Variants in DOCK3 observed in about 807,000 individuals in gnomAD.
DOCK3 encodes dedicator of cytokinesis protein 3.
DOCK3 carries 60 observed loss-of-function variants against 265.6 expected under a neutral mutation model. The ratio of observed to expected loss-of-function variants is 0.23; its 90% CI spans 0.18 to 0.28. The LOEUF is 0.28. DOCK3 is among the 10% of genes least tolerant of loss of function. DOCK3 has a pLI of 1.00. For missense variants in DOCK3, 1,981 were observed against 2,594.3 expected, an observed-to-expected ratio of 0.76 and a Z score of 5.14; for synonymous variants, 881 against 938.0, an observed-to-expected ratio of 0.94 and a Z score of 1.11.
chr3:50,933,735 TA>T (rs1387584761), intron 4 of DOCK3, among the ~76,000 whole-genome samples: 1 of 152,184 alleles, frequency 6.6e-6, no homozygotes, highest in Non-Finnish European at 1.5e-5. Context: ...AAGTGTGTTT[TA>T]AGGATAGCAT....
chr3:51,309,648 C>T (rs1279752639), intron 27 of DOCK3, among the ~76,000 whole-genome samples: 3 of 93,150 alleles, frequency 3.2e-5, no homozygotes, highest in Non-Finnish European at 6.8e-5. Flanking sequence ...AGAGCGAGAG[C>T]GAGAGCTCTT....
At chr3:50,749,564 G>GT in intron 1 of DOCK3, among the ~76,000 whole-genome samples, 1 of 151,978 alleles carries the variant, frequency 6.6e-6, no homozygotes, top group Non-Finnish European at 1.5e-5. Flanking sequence ...ACCCCAACTT[G>GT]TTTTTATACC....
At chr3:51,142,887 A>G (rs1241018982) in intron 9 of DOCK3, among the ~76,000 whole-genome samples, 1 of 151,648 alleles carries the variant, frequency 6.6e-6, no homozygotes, top group African/African-American at 2.4e-5. Flanking sequence ...TGGTATATTC[A>G]TTCTTCTTTT....
At chr3:51,301,943 C>G (rs2082382905) in intron 27 of DOCK3, among the ~76,000 whole-genome samples, 1 of 151,974 alleles carries the variant, frequency 6.6e-6, no homozygotes, top group African/African-American at 2.4e-5. Flanking sequence ...GATACCAGGT[C>G]CATGTGATCC....
chr3:51,092,722 C>T (rs951903620), intron 9 of DOCK3, among the ~76,000 whole-genome samples: 3 of 152,204 alleles, frequency 2.0e-5, no homozygotes, highest in African/African-American at 7.2e-5. Flanking sequence ...GACTGGGAGA[C>T]ACCTCCCAGT....
intron 3 of DOCK3, chr3:50,881,392 C>A (rs1208522062): frequency 6.6e-6 from 1 of 152,196 alleles, no homozygotes; most frequent in Non-Finnish European, 1.5e-5. Context: ...CCCAAAATCT[C>A]CTTAAGCTGA....
intron 5 of DOCK3, among the ~76,000 whole-genome samples, chr3:50,943,979 A>G (rs527363463): frequency 4.6e-5 from 7 of 152,338 alleles, no homozygotes; most frequent in Non-Finnish European, 7.4e-5. Flanking sequence ...CAAGTGGTCA[A>G]TGAATATGTG....
intron 5 of DOCK3, among the ~76,000 whole-genome samples, chr3:50,981,132 T>C (rs544284900): frequency 6.6e-6 from 1 of 152,308 alleles, no homozygotes; most frequent in African/African-American, 2.4e-5. Context: ...CTGTATCCCA[T>C]AGGTTTAGGT....
intron 6 of DOCK3, among the ~76,000 whole-genome samples, chr3:51,065,112 A>T (rs2081544000): frequency 6.6e-6 from 1 of 152,188 alleles, no homozygotes; most frequent in Non-Finnish European, 1.5e-5. Context: ...CTATTGCCAT[A>T]CAAGTACAAT....
intron 28 of DOCK3, 129 bp downstream of exon 28, chr3:51,310,455 G>A (rs1350263851): frequency 3.2e-5 from 26 of 807,764 alleles, no homozygotes; most frequent in Non-Finnish European, 4.9e-5. Context: ...AGAGAGGAGA[G>A]GGCAAATGAG....
At chr3:51,015,742 TCATATATTTCTATATATG>T (rs2079128884) in intron 5 of DOCK3, among the ~76,000 whole-genome samples, 1 of 22,078 alleles carries the variant, frequency 4.5e-5, no homozygotes, top group African/African-American at 3.5e-4. Flanking sequence ...TATATATATA[TCATATATTTCTATATATG>T]ATATATATAT....
At chr3:50,965,266 G>A (rs11718635) in intron 5 of DOCK3, among the ~76,000 whole-genome samples, 143,416 of 152,154 alleles carry the variant, frequency 0.94, 68,225 homozygotes, top group East Asian at 1. Flanking sequence ...TAAAAATGAA[G>A]GGTATTAGAA....
intron 9 of DOCK3, among the ~76,000 whole-genome samples, chr3:51,129,134 T>C (rs1213574218): frequency 6.6e-6 from 1 of 152,246 alleles, no homozygotes; most frequent in Non-Finnish European, 1.5e-5. Flanking sequence ...CTACAGCCCA[T>C]GAATTAGTAT....
At chr3:51,316,321 A>C (rs1294152984) in intron 32 of DOCK3, among the ~76,000 whole-genome samples, 2 of 152,252 alleles carry the variant, frequency 1.3e-5, no homozygotes, top group Admixed American at 6.5e-5. Flanking sequence ...TGCATGTATC[A>C]GTAGCTTTTC....
At chr3:50,900,246 C>T (rs868451045) in intron 4 of DOCK3, among the ~76,000 whole-genome samples, 8 of 151,902 alleles carry the variant, frequency 5.3e-5, no homozygotes, top group Admixed American at 2.0e-4. Context: ...CTCTGATATC[C>T]TTGCTTCCAC....
intron 5 of DOCK3, among the ~76,000 whole-genome samples, chr3:51,028,699 G>A (rs1175424296): frequency 6.6e-6 from 1 of 151,960 alleles, no homozygotes; most frequent in East Asian, 1.9e-4. Flanking sequence ...CTTCTAATTG[G>A]TCTAGTCTGT....
chr3:51,266,021 C>CT (rs1202797296), intron 23 of DOCK3, among the ~76,000 whole-genome samples: 7 of 150,488 alleles, frequency 4.7e-5, no homozygotes, highest in Non-Finnish European at 1.0e-4. Flanking sequence ...AAAAGCATTC[C>CT]TATACACCAA....
At chr3:50,905,329 T>A (rs2049426651) in intron 4 of DOCK3, among the ~76,000 whole-genome samples, 1 of 151,754 alleles carries the variant, frequency 6.6e-6, no homozygotes, top group Non-Finnish European at 1.5e-5. Context: ...GGGGACAGCA[T>A]TGAATCTATA....
intron 5 of DOCK3, among the ~76,000 whole-genome samples, chr3:50,980,667 T>A (rs1210508429): frequency 6.6e-6 from 1 of 152,172 alleles, no homozygotes; most frequent in East Asian, 1.9e-4. Context: ...GTTTTCTTTG[T>A]CTTTCTGGTT....
Sources: allele counts gnomAD v4.1 joint callset (sites outside exome capture counted in the v4.1 genomes callset), GRCh38; gene constraint gnomAD v4.1.1; transcripts MANE v1.5; gene names NCBI Gene and HGNC (gene_info 2026-07-23, HGNC 2026-07-21).